Variants in CCDC83 observed in about 807,000 individuals in gnomAD.
The protein encoded by CCDC83 is coiled-coil domain-containing protein 83.
Under a neutral mutation model 50.1 loss-of-function variants are expected in CCDC83, and 54 were observed. The ratio of observed to expected loss-of-function variants is 1.08; its 90% CI spans 0.87 to 1.35. The LOEUF (loss-of-function observed/expected upper bound fraction) is 1.35, where lower values mean the gene tolerates loss of function less well. CCDC83 is among the 40% of genes most tolerant of loss of function. The pLI is 0.00. For missense variants in CCDC83, 518 were observed against 473.9 expected, an observed-to-expected ratio of 1.09 and a Z score of -0.86; for synonymous variants, 161 against 153.3, an observed-to-expected ratio of 1.05 and a Z score of -0.37.
At chr11:85,880,142 GA>G (rs2093291854) in intron 3 of CCDC83, among the ~76,000 whole-genome samples, 1 of 151,922 alleles carries the variant, frequency 6.6e-6, no homozygotes, top group Non-Finnish European at 1.5e-5. Flanking sequence ...TTTGCCCCCT[GA>G]CCCAAAGAAA....
At position 85,876,554 on chromosome 11, in the gene CCDC83, G is replaced by A. The variant is rs148746366; in HGVS notation, c.180+3259G>A. Among the ~76,000 whole-genome samples the A allele has an allele frequency of 9.9e-3, 1,501 of 152,302 alleles. 14 individuals are homozygous for A. Among genetic ancestry groups the A allele is most frequent in the African/African-American group, 0.033 (1,355 of 41,556 alleles). ...CAGTCTCACTCCGTCACCCAGGCTGGAGTGCAGTGGCGCGATCTCTGCTCA... is the reference window on the plus strand; with the variant it reads ...CAGTCTCACTCCGTCACCCAGGCTGAAGTGCAGTGGCGCGATCTCTGCTCA... On this transcript the variant is annotated intron_variant, in intron 3 of 10. Transcript: ENST00000342404.
At chr11:85,899,297 G>A (rs559688509) in intron 7 of CCDC83, among the ~76,000 whole-genome samples, 4 of 152,282 alleles carry the variant, frequency 2.6e-5, no homozygotes, top group Non-Finnish European at 5.9e-5. Flanking sequence ...TTCCTCATGA[G>A]CCTGCTTCCT....
At chr11:85,889,721 A>G (rs1046520752) in intron 5 of CCDC83, among the ~76,000 whole-genome samples, 62 of 152,254 alleles carry the variant, frequency 4.1e-4, no homozygotes, top group African/African-American at 1.4e-3. Flanking sequence ...ATTTTCCTGG[A>G]ATTCTCCTCC....
chr11:85,856,190 A>G (rs1265031156), intron 1 of CCDC83, among the ~76,000 whole-genome samples: 21 of 142,184 alleles, frequency 1.5e-4, no homozygotes, highest in Non-Finnish European at 2.7e-4. Context: ...AAGCCAAAAA[A>G]AAAAAAAAAA....
intron 5 of CCDC83, among the ~76,000 whole-genome samples, chr11:85,891,232 T>C (rs2093349229): frequency 6.6e-6 from 1 of 152,214 alleles, no homozygotes; most frequent in Admixed American, 6.5e-5. Flanking sequence ...TTATCAAACA[T>C]GACCAATGGC....
rs1180460666 is a variant in CCDC83 at position 85,919,615 on chromosome 11, C to T, written c.*105C>T. On this transcript the variant is annotated 3_prime_UTR_variant, in exon 11 of 11. Transcript: ENST00000342404. ...CTTACACTTTGGCTCATTTTTAAAC[C>T]AGCTGTTATTTCTAAAGGTCATATT... 7.6e-6 allele frequency: 6 copies of T among 792,510 alleles called. No individual in the cohort carries two copies. The East Asian group carries it at 1.6e-4, about 21-fold the overall frequency. The allele number at this position is 792,510 out of a possible 1,614,324, so 49.1% of individuals were successfully genotyped here.
At chr11:85,862,018 A>AAAAAAT (rs1555268616) in intron 1 of CCDC83, among the ~76,000 whole-genome samples, 23 of 145,308 alleles carry the variant, frequency 1.6e-4, no homozygotes, top group African/African-American at 5.0e-4. Context: ...AAAAAAAAAA[A>AAAAAAT]AAAGAGAGTC....
chr11:85,860,600 C>G (rs528884182), intron 1 of CCDC83, among the ~76,000 whole-genome samples: 1 of 152,120 alleles, frequency 6.6e-6, no homozygotes, highest in Non-Finnish European at 1.5e-5. Flanking sequence ...GAACTTAAAA[C>G]AGAAATACCA....
At chr11:85,858,117 A>G (rs1287451237) in intron 1 of CCDC83, among the ~76,000 whole-genome samples, 7 of 152,184 alleles carry the variant, frequency 4.6e-5, no homozygotes, top group Non-Finnish European at 8.8e-5. Flanking sequence ...TCAGCTGGTC[A>G]ACCTGGGTTG....
chr11:85,872,269 G>A (rs1592144483), intron 2 of CCDC83, among the ~76,000 whole-genome samples: 1 of 152,082 alleles, frequency 6.6e-6, no homozygotes, highest in Non-Finnish European at 1.5e-5. Flanking sequence ...CAGATCACTT[G>A]AGGTCAGGAG....
intron 5 of CCDC83, among the ~76,000 whole-genome samples, chr11:85,890,138 G>GT (rs1390132738): frequency 3.3e-5 from 5 of 152,154 alleles, no homozygotes; most frequent in African/African-American, 1.2e-4. Context: ...TTCTCAGATG[G>GT]TTCAGTATGT....
chr11:85,913,527 C>G (rs2093464327), intron 8 of CCDC83, among the ~76,000 whole-genome samples: 1 of 152,294 alleles, frequency 6.6e-6, no homozygotes, highest in Non-Finnish European at 1.5e-5. Flanking sequence ...CCCTCCATCT[C>G]TTTGTTGAGA....
intron 1 of CCDC83, among the ~76,000 whole-genome samples, chr11:85,864,228 C>A (rs961750885): frequency 6.6e-6 from 1 of 152,184 alleles, no homozygotes; most frequent in African/African-American, 2.4e-5. Context: ...GAGTTTCCAG[C>A]CACTTAAATA....
rs149267511 is a variant in CCDC83 at position 85,891,846 on chromosome 11, A to T, written c.512-3447A>T. 2.2e-3 allele frequency among the ~76,000 whole-genome samples: 339 copies of T among 152,310 alleles called. 3 individuals are homozygous for T. Among genetic ancestry groups the T allele is most frequent in the African/African-American group, 7.8e-3 (323 of 41,556 alleles). ...CAGGGAAGTTAATTGCCCTAACCAA[A>T]GTCACAATGCTAGTAACAAATGGAA... On this transcript the variant is annotated intron_variant, in intron 5 of 10. Coordinates refer to ENST00000342404, the MANE Select transcript of CCDC83 (RefSeq NM_001286159.2).
At chr11:85,868,862 G>GA (rs2093222023) in intron 2 of CCDC83, among the ~76,000 whole-genome samples, 1 of 152,004 alleles carries the variant, frequency 6.6e-6, no homozygotes. Context: ...TGAGGTGAAG[G>GA]AAAAAATATG....
At chr11:85,856,184 C>CAA (rs370054964) in intron 1 of CCDC83, among the ~76,000 whole-genome samples, 1,460 of 94,790 alleles carry the variant, frequency 0.015, 38 homozygotes, top group African/African-American at 0.056. Flanking sequence ...CTATCTAAGC[C>CAA]AAAAAAAAAA....
Position 85,915,454 on chromosome 11 carries a change from T to C in CCDC83, c.830T>C (p.Val277Ala). The change falls in exon 9 of 11, where the codon GTG (valine) becomes GCG (alanine). Residue 277 changes from valine to alanine, a missense_variant. By Grantham distance (64) the Val-to-Ala change is moderately conservative. Transcript: ENST00000342404. The stretch of plus-strand genomic sequence containing the variant: ...CTTACCCAAGCTGCTGGACTAGAAG[T>C]GCCACCTGAAGAAATGTCTTTGGAA... ...LYLTQAAGLE[V>A]PPEEMSLELP... is the part of the protein sequence containing the mutation. 7 of 1,613,534 alleles carry C rather than the reference T, an allele frequency of 4.3e-6. No homozygotes were observed. Among genetic ancestry groups the C allele is most frequent in the Non-Finnish European group, 5.9e-6 (7 of 1,179,696 alleles).
At chr11:85,882,078 T>TC (rs2093303348) in intron 3 of CCDC83, among the ~76,000 whole-genome samples, 1 of 151,864 alleles carries the variant, frequency 6.6e-6, no homozygotes, top group Non-Finnish European at 1.5e-5. Context: ...CTTTGAGAGG[T>TC]CAAGGGAGTT....
intron 7 of CCDC83, among the ~76,000 whole-genome samples, chr11:85,902,598 C>T (rs1178279625): frequency 1.3e-5 from 2 of 151,998 alleles, no homozygotes; most frequent in Admixed American, 6.6e-5. Flanking sequence ...CTAAATTGAC[C>T]GCATCTTCCC....
Sources: gnomAD v4.1 joint callset for allele counts (sites outside exome capture counted in the v4.1 genomes callset) on GRCh38, gnomAD v4.1.1 for gene constraint, MANE v1.5 for transcripts, NCBI Gene and HGNC (gene_info 2026-07-23, HGNC 2026-07-21) for gene names.